The following DDX10 variants were observed in gnomAD, a reference collection of about 807,000 sequenced individuals.
DDX10 encodes the protein DEAD-box helicase 10.
DDX10 carries 74 observed loss-of-function variants against 104.3 expected under a neutral mutation model. That is an observed-to-expected ratio of 0.71 (90% CI 0.59 to 0.86). DDX10 has a LOEUF of 0.86. Ranked by LOEUF, DDX10 falls within the 40% of genes least tolerant of loss-of-function variation. The pLI, the probability that DDX10 is intolerant of heterozygous loss-of-function variation, is 0.00. For missense variants in DDX10, 952 were observed against 1,040.0 expected, an observed-to-expected ratio of 0.92 and a Z score of 1.16; for synonymous variants, 351 against 353.4, an observed-to-expected ratio of 0.99 and a Z score of 0.08.
intron 16 of DDX10, among the ~76,000 whole-genome samples, chr11:108,853,856 A>G (rs148125865): frequency 8.3e-4 from 127 of 152,310 alleles, no homozygotes; most frequent in African/African-American, 2.6e-3. Flanking sequence ...TCTCATTTCT[A>G]TGTAACCACT....
chr11:108,875,089 A>G (rs534096475), intron 16 of DDX10, among the ~76,000 whole-genome samples: 3 of 152,286 alleles, frequency 2.0e-5, no homozygotes, highest in Non-Finnish European at 4.4e-5. Flanking sequence ...AGCCAGGAAG[A>G]GGTTTTGCCT....
At chr11:108,841,270 G>A in intron 14 of DDX10, 45 bp from the exon 15 acceptor site, 1 of 1,547,290 alleles carries the variant, frequency 6.5e-7, no homozygotes, top group Non-Finnish European at 8.9e-7. Flanking sequence ...TCTTTCTGGG[G>A]TATTCCCTAC....
chr11:108,762,901 A>T (rs1007881441), intron 13 of DDX10, among the ~76,000 whole-genome samples: 1 of 152,162 alleles, frequency 6.6e-6, no homozygotes, highest in Admixed American at 6.6e-5. Flanking sequence ...TGTTGCCCAT[A>T]GGCTGTGCTG....
chr11:108,894,448 G>A (rs1186544653), intron 16 of DDX10, among the ~76,000 whole-genome samples: 1 of 151,944 alleles, frequency 6.6e-6, no homozygotes, highest in Non-Finnish European at 1.5e-5. Flanking sequence ...CTGATTATAA[G>A]CCATTGCTTG....
At chr11:108,745,430 T>C (rs1470605391) in intron 13 of DDX10, among the ~76,000 whole-genome samples, 2 of 151,728 alleles carry the variant, frequency 1.3e-5, no homozygotes, top group Non-Finnish European at 2.9e-5. Flanking sequence ...TTGGCAGAGA[T>C]GGGGTTTCAC....
chr11:108,674,253 T>G (rs2094220925), intron 2 of DDX10, among the ~76,000 whole-genome samples: 1 of 151,810 alleles, frequency 6.6e-6, no homozygotes, highest in African/African-American at 2.4e-5. Context: ...GGAGGCGGGT[T>G]CATGCCACTC....
At chr11:108,904,567 G>A (rs955951175) in intron 16 of DDX10, among the ~76,000 whole-genome samples, 70 of 152,110 alleles carry the variant, frequency 4.6e-4, no homozygotes, top group African/African-American at 1.6e-3. Context: ...TTTTTCAATA[G>A]CTCACTGAGA....
intron 13 of DDX10, among the ~76,000 whole-genome samples, chr11:108,803,154 A>G (rs1238891474): frequency 6.6e-6 from 1 of 152,204 alleles, no homozygotes; most frequent in Non-Finnish European, 1.5e-5. Context: ...ATTCTTTGCC[A>G]GCAGCATTCT....
intron 16 of DDX10, chr11:108,860,490 C>G (rs1394689838): frequency 6.6e-6 from 1 of 151,846 alleles, no homozygotes; most frequent in Non-Finnish European, 1.5e-5. Flanking sequence ...GACAGTCAGT[C>G]GTAGGGAGGA....
chr11:108,903,497 G>A (rs1260100210), intron 16 of DDX10, among the ~76,000 whole-genome samples: 1 of 152,100 alleles, frequency 6.6e-6, no homozygotes, highest in East Asian at 1.9e-4. Flanking sequence ...AATTGCATCT[G>A]TACTGAACAT....
chr11:108,768,436 C>T (rs940762174), intron 13 of DDX10, among the ~76,000 whole-genome samples: 2 of 152,098 alleles, frequency 1.3e-5, no homozygotes, highest in Admixed American at 1.3e-4. Flanking sequence ...GTCAAGTGGA[C>T]GTTTGTTATT....
At chr11:108,870,385 C>T (rs1476715852) in intron 16 of DDX10, among the ~76,000 whole-genome samples, 2 of 152,182 alleles carry the variant, frequency 1.3e-5, no homozygotes, top group African/African-American at 4.8e-5. Context: ...AGACCCCCAT[C>T]CTTTAAGAGT....
At chr11:108,804,729 G>A (rs906300203) in intron 13 of DDX10, among the ~76,000 whole-genome samples, 10 of 152,098 alleles carry the variant, frequency 6.6e-5, no homozygotes, top group African/African-American at 2.4e-4. Context: ...ATTATTGGCA[G>A]AATGCATTTC....
intron 13 of DDX10, among the ~76,000 whole-genome samples, chr11:108,787,922 C>T (rs372268104): frequency 6.6e-5 from 10 of 152,204 alleles, no homozygotes; most frequent in African/African-American, 2.4e-4. Flanking sequence ...AAGAGCAAAA[C>T]TCCATCTCAA....
intron 13 of DDX10, chr11:108,822,257 A>G (rs1862335040): frequency 9.4e-6 from 2 of 212,824 alleles, no homozygotes; most frequent in African/African-American, 2.4e-5. Context: ...GGTATATGAG[A>G]TCTATTAAAT....
intron 16 of DDX10, among the ~76,000 whole-genome samples, chr11:108,866,689 T>A (rs1009175587): frequency 2.0e-5 from 3 of 152,182 alleles, no homozygotes; most frequent in Non-Finnish European, 4.4e-5. Flanking sequence ...ATTGAACTAT[T>A]GCATACCATA....
At chr11:108,858,222 G>C (rs1249762886) in intron 16 of DDX10, among the ~76,000 whole-genome samples, 1 of 151,630 alleles carries the variant, frequency 6.6e-6, no homozygotes, top group East Asian at 1.9e-4. Flanking sequence ...AGCCTTTTCT[G>C]CCTCCTTCAG....
At chr11:108,898,611 C>G (rs1431469389) in intron 16 of DDX10, among the ~76,000 whole-genome samples, 1 of 151,154 alleles carries the variant, frequency 6.6e-6, no homozygotes, top group East Asian at 1.9e-4. Flanking sequence ...ATTTCTACAC[C>G]CAAGTCAAGT....
chr11:108,752,507 A>G (rs959827414), intron 13 of DDX10, among the ~76,000 whole-genome samples: 8 of 152,082 alleles, frequency 5.3e-5, no homozygotes, highest in Non-Finnish European at 1.2e-4. Context: ...TTATCTGATA[A>G]CAAGTGATGC....
Sources: gnomAD v4.1 joint callset for allele counts (sites outside exome capture counted in the v4.1 genomes callset) on GRCh38, gnomAD v4.1.1 for gene constraint, MANE v1.5 for transcripts, NCBI Gene and HGNC (gene_info 2026-07-23, HGNC 2026-07-21) for gene names.